RBFOX3: variants seen among roughly 807,000 people sequenced by gnomAD.
RBFOX3 encodes the protein RNA binding fox-1 homolog 3.
Under a neutral mutation model 48.7 loss-of-function variants are expected in RBFOX3, and 17 were observed. The ratio of observed to expected loss-of-function variants is 0.35; its 90% CI spans 0.24 to 0.52. RBFOX3 has a LOEUF of 0.52. Ranked by LOEUF, RBFOX3 falls within the 20% of genes least tolerant of loss-of-function variation. The probability of loss-of-function intolerance (pLI) is 0.94; values close to 1 mark genes in which losing one functional copy is unlikely to be tolerated. For synonymous variants in RBFOX3, 212 were observed against 209.5 expected (o/e 1.01, Z -0.10); for missense variants, 382 against 497.5 (o/e 0.77, Z 2.21).
At chr17:79,527,153 C>T (rs1357353713) in intron 1 of RBFOX3, among the ~76,000 whole-genome samples, 6 of 152,250 alleles carry the variant, frequency 3.9e-5, no homozygotes, top group South Asian at 4.1e-4. Context: ...CCCTGTCACC[C>T]GCCCAGACAA....
chr17:79,587,259 G>C (rs1231316486), intron 1 of RBFOX3, among the ~76,000 whole-genome samples: 1 of 152,174 alleles, frequency 6.6e-6, no homozygotes, highest in Non-Finnish European at 1.5e-5. Flanking sequence ...TTCCACACTC[G>C]GTCACTATGG....
At chr17:79,130,652 C>A (rs1208089672) in intron 4 of RBFOX3, among the ~76,000 whole-genome samples, 9 of 152,276 alleles carry the variant, frequency 5.9e-5, no homozygotes, top group Non-Finnish European at 1.3e-4. Flanking sequence ...GACCTCCCTG[C>A]AAACTCCAGG....
chr17:79,339,034 T>C (rs998780157), intron 2 of RBFOX3, among the ~76,000 whole-genome samples: 1 of 151,578 alleles, frequency 6.6e-6, no homozygotes, highest in African/African-American at 2.4e-5. Context: ...ATTTACCAAG[T>C]TGTGCAGGTG....
Position 79,199,918 on chromosome 17 carries a change from T to G in RBFOX3, c.-34+35848A>C, listed in dbSNP as rs1462698682. On this transcript the variant is annotated intron_variant, in intron 4 of 14. Transcript: ENST00000693108. This position sits in a 1 kb window ranked among gnomAD's most constrained non-coding sequence, Gnocchi z 5.1. ...GCTCACGCCTGTAATCCCAGCACTTTGGGAGGCCGAGGTGGGTGGATCACC... is the reference window on the plus strand; with the variant it reads ...GCTCACGCCTGTAATCCCAGCACTTGGGGAGGCCGAGGTGGGTGGATCACC... Among the ~76,000 whole-genome samples, 1 of 152,112 alleles carries G rather than the reference T, an allele frequency of 6.6e-6. No homozygotes were observed. Among genetic ancestry groups the G allele is most frequent in the African/African-American group, 2.4e-5 (1 of 41,414 alleles).
chr17:79,632,018 C>T, the RBFOX3 span, among the ~76,000 whole-genome samples: 4 of 152,182 alleles, frequency 2.6e-5, no homozygotes, highest in African/African-American at 4.8e-5. Context: ...GCCGATGTGC[C>T]GTGGTGCCTG....
chr17:79,147,530 A>G (rs976549531), intron 4 of RBFOX3, among the ~76,000 whole-genome samples: 1 of 152,166 alleles, frequency 6.6e-6, no homozygotes, highest in Non-Finnish European at 1.5e-5. Context: ...GCCCTGGTCC[A>G]GAGATCGGGA....
chr17:79,301,780 A>G (rs1285136183), intron 3 of RBFOX3, among the ~76,000 whole-genome samples: 1 of 152,222 alleles, frequency 6.6e-6, no homozygotes, highest in Non-Finnish European at 1.5e-5. Context: ...CCTTAAAAAG[A>G]AAGGAACTCC....
At chr17:79,500,072 T>C (rs961785176) in intron 1 of RBFOX3, among the ~76,000 whole-genome samples, 5 of 152,168 alleles carry the variant, frequency 3.3e-5, no homozygotes, top group Admixed American at 2.6e-4. Context: ...TGTTCTGTCA[T>C]TGCCATGGTT....
chr17:79,316,616 C>G (rs1335484366), intron 2 of RBFOX3, among the ~76,000 whole-genome samples: 3 of 152,212 alleles, frequency 2.0e-5, no homozygotes, highest in African/African-American at 7.2e-5. Flanking sequence ...GAGCCCCTCC[C>G]CACAAGGCCA....
chr17:79,447,215 C>T (rs1176144163), intron 2 of RBFOX3, among the ~76,000 whole-genome samples: 3 of 152,206 alleles, frequency 2.0e-5, no homozygotes, highest in African/African-American at 4.8e-5. Context: ...ATTTTTCAGT[C>T]GAACTGGAGC....
intron 2 of RBFOX3, among the ~76,000 whole-genome samples, chr17:79,316,444 G>A (rs942703713): frequency 3.9e-5 from 6 of 152,222 alleles, no homozygotes; most frequent in Non-Finnish European, 7.3e-5. Context: ...GGGCAGGGGC[G>A]ATGGCTCCCA....
At chr17:79,278,406 G>A (rs939993357) in intron 3 of RBFOX3, among the ~76,000 whole-genome samples, 6 of 152,188 alleles carry the variant, frequency 3.9e-5, no homozygotes, top group Non-Finnish European at 7.4e-5. Flanking sequence ...TGGTTCAGGC[G>A]CCTGCCACAT....
chr17:79,182,066 T>A (rs1350829717), intron 4 of RBFOX3, among the ~76,000 whole-genome samples: 1 of 151,956 alleles, frequency 6.6e-6, no homozygotes, highest in Non-Finnish European at 1.5e-5. Context: ...TGGGGAGACA[T>A]CTTCATGGAG....
chr17:79,588,544 T>C (rs1299353367), intron 1 of RBFOX3, among the ~76,000 whole-genome samples: 1 of 152,210 alleles, frequency 6.6e-6, no homozygotes, highest in African/African-American at 2.4e-5. Flanking sequence ...TTCTCTTTGA[T>C]GTGTTGAGCT....
chr17:79,611,213 CG>C (rs1734572367), upstream of RBFOX3, among the ~76,000 whole-genome samples: 18 of 125,558 alleles, frequency 1.4e-4, no homozygotes, highest in Non-Finnish European at 1.9e-4. Context: ...CTCTCTCTCT[CG>C]TTCCTCTGGC....
the RBFOX3 span, among the ~76,000 whole-genome samples, chr17:79,618,298 C>G: frequency 2.0e-5 from 3 of 152,222 alleles, no homozygotes; most frequent in African/African-American, 7.2e-5. Flanking sequence ...CCGCAGTCCA[C>G]TCAGGGGCCC....
intron 1 of RBFOX3, among the ~76,000 whole-genome samples, chr17:79,610,001 G>C (rs1343330842): frequency 1.3e-5 from 2 of 151,918 alleles, no homozygotes; most frequent in Non-Finnish European, 2.9e-5. Context: ...CGAGGCCCTG[G>C]GGGTGGCCGA....
chr17:79,211,548 G>C (rs746110027), intron 4 of RBFOX3, among the ~76,000 whole-genome samples: 6 of 152,166 alleles, frequency 3.9e-5, no homozygotes, highest in Non-Finnish European at 7.3e-5. Flanking sequence ...CAGGGATAGG[G>C]GCCGTGTCGC....
intron 4 of RBFOX3, among the ~76,000 whole-genome samples, chr17:79,155,230 G>T (rs1267585376): frequency 6.6e-6 from 1 of 152,226 alleles, no homozygotes; most frequent in African/African-American, 2.4e-5. Flanking sequence ...ACAAGGTGGG[G>T]GTGTGGCTGC....
Sources: gnomAD v4.1 joint callset for allele counts (sites outside exome capture counted in the v4.1 genomes callset) on GRCh38, gnomAD v4.1.1 for gene constraint, Gnocchi (gnomAD v3.1) non-coding constraint, MANE v1.5 for transcripts, NCBI Gene and HGNC (gene_info 2026-07-23, HGNC 2026-07-21) for gene names.